Variants in SLC17A9 observed in about 807,000 individuals in gnomAD.
SLC17A9 encodes the protein voltage-gated purine nucleotide uniporter SLC17A9.
In SLC17A9, 49 loss-of-function variants were observed where a neutral mutation model predicts 55.0. The ratio of observed to expected loss-of-function variants is 0.89; its 90% CI spans 0.71 to 1.13. The LOEUF (loss-of-function observed/expected upper bound fraction) is 1.13, where lower values mean the gene tolerates loss of function less well. SLC17A9 is among the 50% of genes most tolerant of loss of function. SLC17A9 has a pLI of 0.00. For synonymous variants in SLC17A9, 256 were observed against 247.4 expected, an observed-to-expected ratio of 1.03 and a Z score of -0.32; for missense variants, 526 against 569.3, an observed-to-expected ratio of 0.92 and a Z score of 0.77.
At chr20:62,964,558 G>C (rs1419018349) in intron 8 of SLC17A9, among the ~76,000 whole-genome samples, 4 of 152,202 alleles carry the variant, frequency 2.6e-5, no homozygotes, top group African/African-American at 9.6e-5. Context: ...GACCCTCCAG[G>C]AAGGCACCTG....
chr20:62,965,256 G>T, intron 9 of SLC17A9, 90 bp downstream of exon 9: 1 of 1,550,072 alleles, frequency 6.5e-7, no homozygotes, highest in Non-Finnish European at 8.9e-7. Context: ...CAAGTCACCT[G>T]ATATCTGGGA....
chr20:62,964,101 G>A (rs2065613693), intron 7 of SLC17A9, 127 bp from the exon 8 acceptor site: 3 of 913,586 alleles, frequency 3.3e-6, no homozygotes, highest in Non-Finnish European at 5.4e-6. Flanking sequence ...CCAGGAGCAG[G>A]GCTGGCCCTG....
At chr20:62,965,004 A>G in intron 8 of SLC17A9, 128 bp from the exon 9 acceptor site, 2 of 1,078,630 alleles carry the variant, frequency 1.9e-6, no homozygotes, top group Non-Finnish European at 2.8e-6. Context: ...GCAGCACGGG[A>G]TAGCTGTCTT....
chr20:62,963,163 G>T, intron 5 of SLC17A9, 110 bp from the exon 6 acceptor site: 1 of 1,124,986 alleles, frequency 8.9e-7, no homozygotes, highest in South Asian at 1.3e-5. Flanking sequence ...CCTGAGGCAT[G>T]GACGAGGCCT....
chr20:62,966,018 G>T (rs1422990090), intron 10 of SLC17A9, among the ~76,000 whole-genome samples: 1 of 152,166 alleles, frequency 6.6e-6, no homozygotes, highest in African/African-American at 2.4e-5. Context: ...GGCAGCTGGG[G>T]CTCGGGTTGG....
Position 62,962,476 on chromosome 20 carries a change from G to A in SLC17A9, c.498-148G>A, listed in dbSNP as rs768799274. On this transcript the variant is annotated intron_variant, in intron 4 of 12. Coordinates refer to ENST00000370351, the MANE Select transcript of SLC17A9 (RefSeq NM_022082.4). This position sits in a 1 kb window ranked among gnomAD's most constrained non-coding sequence, Gnocchi z 5.5. ...AGTCCTTAACAAAACAGGCCAGGACGGTGGCTTCTGAGCTGCTCCTCTGGA... is the reference window on the plus strand; with the variant it reads ...AGTCCTTAACAAAACAGGCCAGGACAGTGGCTTCTGAGCTGCTCCTCTGGA... 7.0e-6 allele frequency: 7 copies of A among 994,352 alleles called. No individual in the cohort carries two copies. Among genetic ancestry groups the A allele is most frequent in the Admixed American group, 2.8e-5 (1 of 35,308 alleles). 61.6% of individuals were successfully genotyped at this position (994,352 alleles called of 1,614,324 possible).
rs766927175 is a variant in SLC17A9 at position 62,964,271 on chromosome 20, C to G, written c.866C>G (p.Ala289Gly). 1 of 1,614,204 alleles carries G rather than the reference C, an allele frequency of 6.2e-7. No homozygotes were observed. The highest frequency in any genetic ancestry group is 8.5e-7 in the Non-Finnish European group (1 of 1,180,024). The change falls in exon 8 of 13, where the codon GCC becomes GGC. Residue 289 changes from alanine (A) to glycine (G), a missense_variant. By Grantham distance (60) the Ala-to-Gly change is moderately conservative (BLOSUM62 0). Transcript: ENST00000370351. ...GTTCCTTGGTTGGTGGCGATTCCGGCCAGTCTATTCAGCGGGTTTCTCTCT... is the reference window on the plus strand; with the variant it reads ...GTTCCTTGGTTGGTGGCGATTCCGGGCAGTCTATTCAGCGGGTTTCTCTCT... ...NVVPWLVAIP[A>G]SLFSGFLSDH...
intron 1 of SLC17A9, among the ~76,000 whole-genome samples, chr20:62,955,303 A>G (rs906790875): frequency 1.3e-5 from 2 of 151,552 alleles, no homozygotes; most frequent in African/African-American, 4.9e-5. Context: ...ACCCGCCACT[A>G]CGCCTGGCTA....
intron 3 of SLC17A9, among the ~76,000 whole-genome samples, 164 bp downstream of exon 3, chr20:62,957,744 G>A (rs1430798816): frequency 3.3e-5 from 5 of 150,622 alleles, no homozygotes; most frequent in Admixed American, 6.6e-5. Flanking sequence ...GTGTGTGTGC[G>A]TGTGTAAGTG....
intron 7 of SLC17A9, chr20:62,964,009 AG>A (rs1568916693): frequency 1.6e-6 from 1 of 616,168 alleles, no homozygotes; most frequent in Non-Finnish European, 2.9e-6. Context: ...ATGTGGACAG[AG>A]GGGTCACCTG....
chr20:62,956,963 G>A lies in SLC17A9; in HGVS notation c.257+1G>A, dbSNP rs200943155. 2 of 1,613,148 alleles carry A rather than the reference G, an allele frequency of 1.2e-6. No individual in the cohort carries two copies. Among genetic ancestry groups the A allele is most frequent in the Middle Eastern group, 1.6e-4 (1 of 6,084 alleles). On this transcript the variant is annotated splice_donor_variant, in intron 2 of 12. Coordinates refer to ENST00000370351, the MANE Select transcript of SLC17A9 (RefSeq NM_022082.4). LOFTEE classifies it high-confidence loss of function. ...TTGTGGGCGGCCACCTCGGGGATCG[G>A]TAACTGCCCATCTTCCCCATCTCCT...
rs376033642 is a variant in SLC17A9 at position 62,957,557 on chromosome 20, G to A, written c.374G>A (p.Arg125His). The A allele has an allele frequency of 3.8e-6, 6 of 1,584,660 alleles. No homozygotes were observed. The highest frequency in any genetic ancestry group is 1.4e-5 in the African/African-American group (1 of 73,698). Residue 125 changes from arginine (R) to histidine (H), a missense_variant, in exon 3 of 13, where the codon CGC becomes CAC. Physicochemically the swap from Arg to His is conservative, Grantham distance 29. Coordinates refer to ENST00000370351, the MANE Select transcript of SLC17A9 (RefSeq NM_022082.4). Reference protein sequence around the residue: ...SAHLAFMTFSRILMGLLQGVY... With the variant: ...SAHLAFMTFSHILMGLLQGVY... ...CACCTGGCCTTCATGACCTTCTCAC[G>A]CATCCTCATGGGCTTGCTCCAAGGT... is the stretch of plus-strand genomic sequence containing the variant.
intron 4 of SLC17A9, among the ~76,000 whole-genome samples, chr20:62,961,489 G>A (rs563652964): frequency 6.6e-6 from 1 of 152,274 alleles, no homozygotes; most frequent in African/African-American, 2.4e-5. Flanking sequence ...CTGGATCGAG[G>A]CCAGGCCAGG....
chr20:62,963,215 G>T, intron 5 of SLC17A9, 58 bp from the exon 6 acceptor site: 1 of 1,563,026 alleles, frequency 6.4e-7, no homozygotes, highest in South Asian at 1.1e-5. Context: ...CAATCCTTTG[G>T]CAACGGGTGG....
chr20:62,960,411 C>A, intron 3 of SLC17A9, 93 bp from the exon 4 acceptor site: 2 of 1,178,052 alleles, frequency 1.7e-6, no homozygotes, highest in Non-Finnish European at 2.4e-6. Flanking sequence ...GACAGGTGGA[C>A]GTCCTCTGGA....
rs1158857735 is a variant in SLC17A9, at chr20:62,962,499, G to A, written c.498-125G>A. ...ACGGTGGCTTCTGAGCTGCTCCTCT[G>A]GAGGCGATGAAAACACCCTCTTCTC... On this transcript the variant is annotated intron_variant, in intron 4 of 12. Transcript: ENST00000370351. This position sits in a 1 kb window ranked among gnomAD's most constrained non-coding sequence, Gnocchi z 5.5. 3.9e-6 allele frequency: 5 copies of A among 1,272,338 alleles called. No individual in the cohort carries two copies. Among genetic ancestry groups the A allele is most frequent in the Non-Finnish European group, 5.3e-6 (5 of 935,366 alleles). The allele number at this position is 1,272,338 out of a possible 1,614,324, so 78.8% of individuals were successfully genotyped here.
intron 8 of SLC17A9, chr20:62,964,858 C>T (rs1353371778): frequency 3.2e-5 from 17 of 528,430 alleles, no homozygotes; most frequent in Admixed American, 6.7e-5. Context: ...TGGGGCCGCT[C>T]GCCTGTTTCC....
intron 2 of SLC17A9, 141 bp downstream of exon 2, chr20:62,957,103 T>C: frequency 1.5e-6 from 2 of 1,330,012 alleles, no homozygotes; most frequent in African/African-American, 1.4e-5. Context: ...AGGATGCGAC[T>C]CCTGGGGAAG....
Position 62,960,591 on chromosome 20 carries a change from G to A in SLC17A9, c.485G>A (p.Gly162Asp). The change falls in exon 4 of 13, where the codon GGC (glycine) becomes GAC (aspartate). Residue 162 changes from glycine (G) to aspartate (D), a missense_variant. Gly to Asp is a moderately conservative substitution (Grantham distance 94). Coordinates refer to ENST00000370351, the MANE Select transcript of SLC17A9 (RefSeq NM_022082.4). ...RAFTYSIVGA[G>D]SQFGTLLTGA... ...TTCACCTACAGCATCGTGGGCGCCG[G>A]CTCCCAGTTTGGGTAAGTCCTGGCC... The A allele has an allele frequency of 4.3e-6, 7 of 1,612,130 alleles. No homozygotes were observed. The South Asian group carries it at 6.6e-5, about 15-fold the overall frequency.
Sources: gnomAD v4.1 joint callset for allele counts (sites outside exome capture counted in the v4.1 genomes callset) on GRCh38, gnomAD v4.1.1 for gene constraint, Gnocchi (gnomAD v3.1) non-coding constraint, MANE v1.5 for transcripts, NCBI Gene and HGNC (gene_info 2026-07-23, HGNC 2026-07-21) for gene names.